The following ITIH4 variants were observed in gnomAD, a reference collection of about 807,000 sequenced individuals.
ITIH4 encodes inter-alpha-trypsin inhibitor heavy chain 4.
In ITIH4, 79 loss-of-function variants were observed where a neutral mutation model predicts 111.8. The observed-to-expected ratio is 0.71, with a 90% CI of 0.59 to 0.85. The LOEUF (loss-of-function observed/expected upper bound fraction) is 0.85, where lower values mean the gene tolerates loss of function less well. Among genes scored for constraint, ITIH4 ranks in the 40% least tolerant of loss-of-function variants. ITIH4 has a pLI of 0.00. For missense variants in ITIH4, 1,065 were observed against 1,195.8 expected (o/e 0.89, Z 1.61); for synonymous variants, 472 against 468.3 (o/e 1.01, Z -0.10).
chr3:52,818,794 G>C, intron 17 of ITIH4: 1 of 526,068 alleles, frequency 1.9e-6, no homozygotes, highest in African/African-American at 1.9e-5. Flanking sequence ...TTTCTGAACG[G>C]AGGAAGCCCT....
intron 11 of ITIH4, 138 bp from the exon 12 acceptor site, chr3:52,821,268 G>T: frequency 9.5e-7 from 1 of 1,052,652 alleles, no homozygotes; most frequent in Non-Finnish European, 1.4e-6. Context: ...TCCTTTGAGT[G>T]GGGGTAAGGA....
At chr3:52,828,797 T>C (rs1481184619) in intron 2 of ITIH4, among the ~76,000 whole-genome samples, 1 of 152,174 alleles carries the variant, frequency 6.6e-6, no homozygotes, top group African/African-American at 2.4e-5. Context: ...TTTTGGTGAC[T>C]CCCTCTTGCC....
At chr3:52,826,731 C>T (rs999028358) in intron 4 of ITIH4, 60 bp downstream of exon 4, 24 of 1,609,218 alleles carry the variant, frequency 1.5e-5, no homozygotes, top group Middle Eastern at 1.6e-4. Context: ...AAAGAGGGGC[C>T]GCCCTCAGCA....
chr3:52,825,735 C>T (rs1455165689), intron 6 of ITIH4, 151 bp downstream of exon 6: 1 of 835,968 alleles, frequency 1.2e-6, no homozygotes, highest in African/African-American at 1.7e-5. Flanking sequence ...AGGGACAACA[C>T]AACTAAATCA....
At chr3:52,816,855 C>G in intron 21 of ITIH4, 29 bp downstream of exon 21, 3 of 1,605,616 alleles carry the variant, frequency 1.9e-6, no homozygotes. Flanking sequence ...AAGGTCAACC[C>G]CTGCCCCGGG....
chr3:52,817,681 A>T (rs1700304788), intron 20 of ITIH4, among the ~76,000 whole-genome samples: 1 of 152,100 alleles, frequency 6.6e-6, no homozygotes, highest in South Asian at 2.1e-4. Flanking sequence ...TGCAGGCACT[A>T]ACTCCTCCAT....
chr3:52,822,823 C>T (rs1235240044), intron 11 of ITIH4, among the ~76,000 whole-genome samples: 2 of 152,136 alleles, frequency 1.3e-5, no homozygotes, highest in Admixed American at 1.3e-4. Context: ...TCCTCCATTG[C>T]CCCATCTGGA....
chr3:52,827,319 C>T, intron 2 of ITIH4, 122 bp from the exon 3 acceptor site: 1 of 795,326 alleles, frequency 1.3e-6, no homozygotes. Context: ...CCCATCTTTG[C>T]CTGAGCCCAG....
intron 12 of ITIH4, 29 bp from the exon 13 acceptor site, chr3:52,820,814 A>G: frequency 6.3e-7 from 1 of 1,581,648 alleles, no homozygotes; most frequent in South Asian, 1.1e-5. Context: ...AGAGCTCAGG[A>G]GATCCTTGAA....
At chr3:52,822,572 T>C (rs1406081755) in intron 11 of ITIH4, among the ~76,000 whole-genome samples, 1 of 152,164 alleles carries the variant, frequency 6.6e-6, no homozygotes, top group Admixed American at 6.5e-5. Context: ...GAGGGGGGCA[T>C]GCGACTTATT....
At position 52,820,328 on chromosome 3, in the gene ITIH4, C is replaced by G; in HGVS notation, c.1835-11G>C. 6.2e-7 allele frequency: 1 copy of G among 1,613,550 alleles called. No individual in the cohort carries two copies. The highest frequency in any genetic ancestry group is 1.7e-5 in the Admixed American group (1 of 60,000). ...TCCTGTTTCTACTTTCTGGATAAAA[C>G]AAAGAGAGAGAGAGAGACAGACAGA... On this transcript the variant is annotated splice_polypyrimidine_tract_variant and intron_variant, in intron 13 of 23. Coordinates refer to ENST00000266041, the MANE Select transcript of ITIH4 (RefSeq NM_002218.5).
rs1350485870 is a variant in ITIH4, at chr3:52,824,689, G to GGCT, written c.877-127_877-125dup. On this transcript the variant is annotated intron_variant, in intron 7 of 23. Transcript: ENST00000266041. The surrounding 1 kb of genome is among the most constrained non-coding windows in gnomAD (Gnocchi z 4.3). The stretch of plus-strand genomic sequence containing the variant: ...TCATGGTATCTGCTCTAGGAACAGG[G>GGCT]GCTGCCCTAGGCTCTGGCCAACCTT... The GGCT allele has an allele frequency of 7.1e-6, 9 of 1,276,136 alleles. No individual in the cohort carries two copies. The highest frequency in any genetic ancestry group is 9.8e-6 in the Non-Finnish European group (9 of 917,964). The allele number at this position is 1,276,136 out of a possible 1,614,324, so 79.1% of individuals were successfully genotyped here.
At chr3:52,818,011 TGC>T (rs777292035) in intron 20 of ITIH4, 39 bp downstream of exon 20, 1 of 1,459,184 alleles carries the variant, frequency 6.9e-7, no homozygotes, top group South Asian at 1.1e-5. Flanking sequence ...GGTGGGTGTG[TGC>T]CAGTGGTGTC....
rs145083280 is a variant in ITIH4, at chr3:52,826,624, C to T, written c.547G>A (p.Gly183Ser). 66 of 1,614,058 alleles carry T rather than the reference C, an allele frequency of 4.1e-5. No individual in the cohort carries two copies. The African/African-American group carries it at 7.9e-4, about 19-fold the overall frequency. ...CTCTCTGTCTCCAGAAAGCTGATGC[C>T]CTGGGGCTCGAAGATGTGAATGTCC... ...QMDIHIFEPQ[G>S]ISFLETESTF... The change falls in exon 5 of 24, where the codon GGC (glycine) becomes AGC (serine). Residue 183 changes from glycine to serine, a missense_variant. Transcript: ENST00000266041.
At position 52,820,054 on chromosome 3, in the gene ITIH4, G is replaced by A; in HGVS notation, c.1862-64C>T. The stretch of plus-strand genomic sequence containing the variant: ...ACCTTCCTGTGGCCCCACTTGGATG[G>A]GGACTGTATTCTTAGTGCTGGGGAC... On this transcript the variant is annotated intron_variant, in intron 14 of 23. Coordinates refer to ENST00000266041, the MANE Select transcript of ITIH4 (RefSeq NM_002218.5). 1.0e-5 allele frequency: 16 copies of A among 1,542,008 alleles called. No homozygotes were observed. The South Asian group carries it at 1.8e-4, about 17-fold the overall frequency.
chr3:52,819,246 T>G (rs1293382535), intron 17 of ITIH4, 147 bp downstream of exon 17: 14 of 857,492 alleles, frequency 1.6e-5, no homozygotes, highest in Non-Finnish European at 2.3e-5. Flanking sequence ...CAGGTTGAAC[T>G]GACCCACAAT....
Position 52,824,289 on chromosome 3 carries a change from T to C in ITIH4, c.1072A>G (p.Met358Val), listed in dbSNP as rs755162997. 9.3e-6 allele frequency: 15 copies of C among 1,613,710 alleles called. No individual in the cohort carries two copies. The East Asian group carries it at 3.1e-4, about 34-fold the overall frequency. ...GGTNINDAML[M>V]AVQLLDSSNQ... ...CTGCTGTCCAGCAACTGCACAGCCA[T>C]CAGCATTGCATCATTGATGTTGGTC... The change falls in exon 9 of 24, where the codon ATG becomes GTG. Residue 358 changes from methionine (M) to valine (V), a missense_variant. Transcript: ENST00000266041. This position sits in a 1 kb window ranked among gnomAD's most constrained non-coding sequence, Gnocchi z 4.3.
At position 52,813,361 on chromosome 3, in the gene ITIH4, G is replaced by C. The variant is rs1700223228; in HGVS notation, c.*60C>G. On this transcript the variant is annotated 3_prime_UTR_variant, in exon 24 of 24. Coordinates refer to ENST00000266041, the MANE Select transcript of ITIH4 (RefSeq NM_002218.5). Reference sequence around the variant, plus strand: ...CATGGTGGTCCAGGCCCCAGAAGCGGCCCTGCAGTTGCAGGGGGAAGCCAA... The same window carrying C: ...CATGGTGGTCCAGGCCCCAGAAGCGCCCCTGCAGTTGCAGGGGGAAGCCAA... 7.1e-7 allele frequency: 1 copy of C among 1,413,336 alleles called. No individual in the cohort carries two copies. Among genetic ancestry groups the C allele is most frequent in the East Asian group, 2.3e-5 (1 of 43,940 alleles). The allele number at this position is 1,413,336 out of a possible 1,614,324, so 87.5% of individuals were successfully genotyped here.
chr3:52,818,632 T>G, intron 17 of ITIH4, 96 bp from the exon 18 acceptor site: 1 of 967,314 alleles, frequency 1.0e-6, no homozygotes, highest in Non-Finnish European at 1.6e-6. Flanking sequence ...CCCCCCATCC[T>G]GCCACACATA....
Sources: gnomAD v4.1 joint callset for allele counts (sites outside exome capture counted in the v4.1 genomes callset) on GRCh38, gnomAD v4.1.1 for gene constraint, Gnocchi (gnomAD v3.1) non-coding constraint, MANE v1.5 for transcripts, NCBI Gene and HGNC (gene_info 2026-07-23, HGNC 2026-07-21) for gene names.